Variants in UGCG observed in about 807,000 individuals in gnomAD.
UGCG encodes ceramide glucosyltransferase.
UGCG carries 10 observed loss-of-function variants against 49.5 expected under a neutral mutation model. The observed-to-expected ratio is 0.20, with a 90% CI of 0.12 to 0.34. The LOEUF (loss-of-function observed/expected upper bound fraction) is 0.34. Ranked by LOEUF, UGCG falls within the 10% of genes least tolerant of loss-of-function variation. The pLI, the probability that UGCG is intolerant of heterozygous loss-of-function variation, is 1.00. For synonymous variants in UGCG, 182 were observed against 158.2 expected, an observed-to-expected ratio of 1.15 and a Z score of -1.13; for missense variants, 312 against 483.7, an observed-to-expected ratio of 0.65 and a Z score of 3.33.
Position 111,931,324 on chromosome 9 carries a change from A to T in UGCG, c.791A>T (p.Tyr264Phe). Residue 264 changes from tyrosine to phenylalanine, a missense_variant, in exon 7 of 9, where the codon TAT (tyrosine) becomes TTT (phenylalanine). Transcript: ENST00000374279. ...GTTGCAATGCAAAACTCTGGCTCAT[A>T]TTCAATTTCTCAGTTTCAATCCAGA... ...TQVAMQNSGSYSISQFQSRMI... is the reference protein window; with the variant it reads ...TQVAMQNSGSFSISQFQSRMI... 6.2e-7 allele frequency: 1 copy of T among 1,613,946 alleles called. No individual in the cohort carries two copies. The highest frequency in any genetic ancestry group is 8.5e-7 in the Non-Finnish European group (1 of 1,180,018).
rs1462972772 is a variant in UGCG at position 111,904,928 on chromosome 9, C to T, written c.98+7615C>T. Among the ~76,000 whole-genome samples the T allele has an allele frequency of 3.3e-5, 5 of 152,082 alleles. No homozygotes were observed. In the South Asian group the frequency reaches 1.0e-3, roughly 32 times the overall value. Reference sequence around the variant, plus strand: ...ATCGCCTGAGGCCAGGAGTTCAAAACCAGCCTGAGCAATATAGCAAGACCC... The same window carrying T: ...ATCGCCTGAGGCCAGGAGTTCAAAATCAGCCTGAGCAATATAGCAAGACCC... On this transcript the variant is annotated intron_variant, in intron 1 of 8. Transcript: ENST00000374279.
At position 111,922,933 on chromosome 9, in the gene UGCG, G is replaced by T; in HGVS notation, c.325G>T (p.Asp109Tyr). The change falls in exon 3 of 9, where the codon GAT (aspartate) becomes TAT (tyrosine). Residue 109 changes from aspartate (D) to tyrosine (Y), a missense_variant. Coordinates refer to ENST00000374279, the MANE Select transcript of UGCG (RefSeq NM_003358.3). ...KKLLGKYPNV[D>Y]ARLFIGGKKV... Reference sequence around the variant, plus strand: ...GCTTCTTGGAAAATATCCAAATGTTGATGCTAGATTGTTTATAGGTAAGTA... The same window carrying T: ...GCTTCTTGGAAAATATCCAAATGTTTATGCTAGATTGTTTATAGGTAAGTA... 6.2e-7 allele frequency: 1 copy of T among 1,611,430 alleles called. No individual in the cohort carries two copies. Among genetic ancestry groups the T allele is most frequent in the South Asian group, 1.1e-5 (1 of 90,766 alleles).
chr9:111,931,427 G>A, intron 7 of UGCG, 70 bp downstream of exon 7: 1 of 1,414,010 alleles, frequency 7.1e-7, no homozygotes, highest in South Asian at 1.2e-5. Flanking sequence ...ATTTTTACAG[G>A]TTTAATGTAG....
At position 111,932,964 on chromosome 9, in the gene UGCG, TG is replaced by T; in HGVS notation, c.1157del (p.Gly386ValfsTer7). ...GAACTGGTCGCTACAGATTACGCTG[TG>T]GGGGTACAGCAGAGGAAATCCTAGA... ...WRTGRYRLRC[G>X]GTAEEILDV On this transcript the variant is annotated frameshift_variant, in exon 9 of 9. Coordinates refer to ENST00000374279, the MANE Select transcript of UGCG (RefSeq NM_003358.3). LOFTEE classifies it high-confidence loss of function. 1.9e-6 allele frequency: 3 copies of T among 1,608,308 alleles called. No individual in the cohort carries two copies. The highest frequency in any genetic ancestry group is 1.7e-4 in the Middle Eastern group (1 of 6,046).
chr9:111,918,427 G>A (rs1389507560), intron 2 of UGCG, among the ~76,000 whole-genome samples: 1 of 152,154 alleles, frequency 6.6e-6, no homozygotes, highest in Non-Finnish European at 1.5e-5. Context: ...GCTGAAAAAT[G>A]ATTCCTGGTT....
At chr9:111,904,204 C>T (rs1837832056) in intron 1 of UGCG, among the ~76,000 whole-genome samples, 2 of 152,250 alleles carry the variant, frequency 1.3e-5, no homozygotes, top group Admixed American at 1.3e-4. Context: ...CACCTCGTAT[C>T]AGTCTGCCCT....
intron 1 of UGCG, among the ~76,000 whole-genome samples, chr9:111,898,746 A>C (rs1406310242): frequency 6.6e-6 from 1 of 152,204 alleles, no homozygotes; most frequent in Non-Finnish European, 1.5e-5. Flanking sequence ...GCACACACCA[A>C]AACTACATTA....
intron 5 of UGCG, among the ~76,000 whole-genome samples, chr9:111,928,680 C>T (rs1838368273): frequency 6.6e-6 from 1 of 152,098 alleles, no homozygotes; most frequent in Admixed American, 6.5e-5. Context: ...TCATAATTGC[C>T]CCTTAGAATT....
At chr9:111,928,091 G>A (rs1185039144) in intron 5 of UGCG, among the ~76,000 whole-genome samples, 2 of 152,110 alleles carry the variant, frequency 1.3e-5, no homozygotes, top group African/African-American at 2.4e-5. Context: ...TTGCTCTTAA[G>A]CATATCTGCA....
chr9:111,908,352 C>T (rs997531914), intron 1 of UGCG, among the ~76,000 whole-genome samples: 4 of 152,168 alleles, frequency 2.6e-5, no homozygotes. Context: ...CTATGGGATT[C>T]CATTTATATA....
intron 2 of UGCG, among the ~76,000 whole-genome samples, chr9:111,921,277 G>A (rs1044051706): frequency 1.3e-5 from 2 of 151,770 alleles, no homozygotes; most frequent in African/African-American, 4.8e-5. Context: ...ACCACTTCTG[G>A]GGAAAAAAAT....
At chr9:111,910,937 G>C (rs1170187134) in intron 1 of UGCG, among the ~76,000 whole-genome samples, 1 of 152,090 alleles carries the variant, frequency 6.6e-6, no homozygotes, top group Non-Finnish European at 1.5e-5. Flanking sequence ...AGTAGAGACG[G>C]AGTTTCACCA....
chr9:111,922,806 T>C, intron 2 of UGCG, 43 bp from the exon 3 acceptor site: 1 of 1,478,926 alleles, frequency 6.8e-7, no homozygotes, highest in Non-Finnish European at 9.3e-7. Context: ...TAAGTGCTTA[T>C]TTTTTTAAAG....
intron 1 of UGCG, among the ~76,000 whole-genome samples, chr9:111,906,747 T>C (rs573106147): frequency 1.3e-5 from 2 of 152,344 alleles, no homozygotes; most frequent in Admixed American, 6.5e-5. Context: ...TTGTTTCTTA[T>C]GCCTTTCTGG....
chr9:111,904,842 A>C (rs1837849376), intron 1 of UGCG, among the ~76,000 whole-genome samples: 1 of 152,198 alleles, frequency 6.6e-6, no homozygotes, highest in Admixed American at 6.5e-5. Flanking sequence ...AGCCTGGGCA[A>C]CAAGAGCAAA....
chr9:111,903,607 T>A (rs1423031134), intron 1 of UGCG, among the ~76,000 whole-genome samples: 1 of 152,168 alleles, frequency 6.6e-6, no homozygotes, highest in African/African-American at 2.4e-5. Context: ...TTTTTTCTTT[T>A]CTTTTTGAGA....
At chr9:111,899,272 A>T (rs1346342324) in intron 1 of UGCG, among the ~76,000 whole-genome samples, 1 of 152,244 alleles carries the variant, frequency 6.6e-6, no homozygotes, top group Non-Finnish European at 1.5e-5. Flanking sequence ...TATTGGCCCC[A>T]TGGAAATGTT....
chr9:111,919,307 T>C (rs1472184741), intron 2 of UGCG, among the ~76,000 whole-genome samples: 1 of 151,678 alleles, frequency 6.6e-6, no homozygotes, highest in Non-Finnish European at 1.5e-5. Flanking sequence ...CAAGACCAGC[T>C]CGTCGTCTGT....
intron 1 of UGCG, among the ~76,000 whole-genome samples, chr9:111,914,026 T>A (rs1336510186): frequency 6.6e-6 from 1 of 152,192 alleles, no homozygotes; most frequent in Admixed American, 6.5e-5. Flanking sequence ...CTGTGTATTA[T>A]CCCACTGCAA....
Sources: gnomAD v4.1 joint callset for allele counts (sites outside exome capture counted in the v4.1 genomes callset) on GRCh38, gnomAD v4.1.1 for gene constraint, MANE v1.5 for transcripts, NCBI Gene and HGNC (gene_info 2026-07-23, HGNC 2026-07-21) for gene names.